The following BICD1 variants were observed in gnomAD, a reference collection of about 807,000 sequenced individuals.
The protein encoded by BICD1 is protein bicaudal D homolog 1.
BICD1 carries 35 observed loss-of-function variants against 92.5 expected under a neutral mutation model. The ratio of observed to expected loss-of-function variants is 0.38; its 90% CI spans 0.29 to 0.50. The LOEUF is 0.50. Among genes scored for constraint, BICD1 ranks in the 20% least tolerant of loss-of-function variants. The pLI is 0.93. For missense variants in BICD1, 950 were observed against 1,189.8 expected, an observed-to-expected ratio of 0.80 and a Z score of 2.97; for synonymous variants, 429 against 465.1, an observed-to-expected ratio of 0.92 and a Z score of 1.00.
chr12:32,279,852 C>G (rs1186525380), intron 2 of BICD1, among the ~76,000 whole-genome samples: 1 of 152,234 alleles, frequency 6.6e-6, no homozygotes, highest in Non-Finnish European at 1.5e-5. Context: ...GTAATCCCAG[C>G]ACTTTGGGAG....
intron 9 of BICD1, among the ~76,000 whole-genome samples, chr12:32,375,063 C>T (rs1229217998): frequency 1.3e-5 from 2 of 150,654 alleles, no homozygotes; most frequent in South Asian, 2.1e-4. Context: ...GGACTACAGG[C>T]GCCCGCCACC....
chr12:32,122,904 G>A (rs1942204896), intron 1 of BICD1, among the ~76,000 whole-genome samples: 1 of 152,218 alleles, frequency 6.6e-6, no homozygotes, highest in South Asian at 2.1e-4. Flanking sequence ...GCTGTGAGCA[G>A]ATAGGTCATT....
At chr12:32,135,905 AG>A (rs1053427547) in intron 1 of BICD1, among the ~76,000 whole-genome samples, 59 of 132,744 alleles carry the variant, frequency 4.4e-4, no homozygotes, top group Non-Finnish European at 1.6e-4. Context: ...AGAGGGACAA[AG>A]GAGAGGCGTG....
intron 9 of BICD1, among the ~76,000 whole-genome samples, chr12:32,370,666 C>A (rs11051962): frequency 0.036 from 5,442 of 152,294 alleles, 318 homozygotes; most frequent in East Asian, 0.27. Context: ...TGGAAAATTT[C>A]TTTTGCTGGC....
chr12:32,107,639 GA>G, intron 1 of BICD1, 95 bp downstream of exon 1: 2 of 1,336,780 alleles, frequency 1.5e-6, no homozygotes, highest in Non-Finnish European at 2.1e-6. Context: ...GGAGGTGATT[GA>G]AAGGACTGTT....
chr12:32,145,198 A>G (rs1300307389), intron 1 of BICD1, among the ~76,000 whole-genome samples: 3 of 152,236 alleles, frequency 2.0e-5, no homozygotes, highest in Admixed American at 2.0e-4. Flanking sequence ...AGAATAAAAA[A>G]GCCATAATGT....
At chr12:32,126,698 A>C (rs1423095365) in intron 1 of BICD1, among the ~76,000 whole-genome samples, 1 of 152,056 alleles carries the variant, frequency 6.6e-6, no homozygotes, top group African/African-American at 2.4e-5. Context: ...TGAAGGTTGC[A>C]GTGAGCCGAG....
Position 32,295,709 on chromosome 12 carries a change from A to G in BICD1, c.579+1563A>G, listed in dbSNP as rs1592627985. On this transcript the variant is annotated intron_variant, in intron 3 of 9. Coordinates refer to ENST00000652176, the MANE Select transcript of BICD1 (RefSeq NM_001714.4). The stretch of plus-strand genomic sequence containing the variant: ...TGCTGTGTTGCCCAGGCTGGAGTGC[A>G]GTGGCATGATCTCAGCTCACTGCAA... Among the ~76,000 whole-genome samples the G allele has an allele frequency of 4.7e-5, 7 of 148,628 alleles. No individual in the cohort carries two copies. The South Asian group carries it at 1.5e-3, about 32-fold the overall frequency.
intron 1 of BICD1, among the ~76,000 whole-genome samples, chr12:32,160,007 C>G (rs12814943): frequency 8.8e-6 from 1 of 113,184 alleles, no homozygotes; most frequent in Non-Finnish European, 2.2e-5. Context: ...ATTTAACTCT[C>G]TAAGCCTCAA....
rs530703367 is a variant in BICD1, at chr12:32,328,632, C to T, written c.2100+77C>T. ...TTTATTCCCTAATTTTATTGAGTATCGAGTATCGTCAAGATGAGAGTTCAG... is the reference window on the plus strand; with the variant it reads ...TTTATTCCCTAATTTTATTGAGTATTGAGTATCGTCAAGATGAGAGTTCAG... On this transcript the variant is annotated intron_variant, in intron 5 of 9. Coordinates refer to ENST00000652176, the MANE Select transcript of BICD1 (RefSeq NM_001714.4). The surrounding 1 kb of genome is among the most constrained non-coding windows in gnomAD (Gnocchi z 4.4). The T allele has an allele frequency of 3.3e-6, 5 of 1,517,322 alleles. No individual in the cohort carries two copies. The highest frequency in any genetic ancestry group is 4.4e-6 in the Non-Finnish European group (5 of 1,130,966). 94.0% of individuals were successfully genotyped at this position (1,517,322 alleles called of 1,614,324 possible).
chr12:32,272,904 C>T (rs189663969), intron 2 of BICD1, among the ~76,000 whole-genome samples: 107 of 151,982 alleles, frequency 7.0e-4, no homozygotes, highest in African/African-American at 2.5e-3. Flanking sequence ...TTGTTATGTT[C>T]GTATAAAAGA....
intron 1 of BICD1, among the ~76,000 whole-genome samples, chr12:32,135,723 T>A (rs1304783849): frequency 6.6e-6 from 1 of 152,126 alleles, no homozygotes; most frequent in Non-Finnish European, 1.5e-5. Context: ...AATCTCTAAT[T>A]CACCAGAGTC....
chr12:32,346,635 CGTGTATATATATATATAT>C (rs1565687564), intron 8 of BICD1, among the ~76,000 whole-genome samples: 5 of 25,152 alleles, frequency 2.0e-4, no homozygotes, highest in African/African-American at 3.4e-4. Flanking sequence ...TATATATATA[CGTGTATATATATATATAT>C]ATATACACAC....
chr12:32,197,243 A>C (rs990200946), intron 1 of BICD1, among the ~76,000 whole-genome samples: 1 of 152,152 alleles, frequency 6.6e-6, no homozygotes, highest in Non-Finnish European at 1.5e-5. Context: ...TCCTGACCTC[A>C]GGTGATCTGC....
intron 2 of BICD1, among the ~76,000 whole-genome samples, chr12:32,279,432 T>C (rs1347789075): frequency 6.6e-6 from 1 of 152,198 alleles, no homozygotes; most frequent in Non-Finnish European, 1.5e-5. Context: ...CAAAAAGCTT[T>C]CCCGTAAAAA....
intron 1 of BICD1, among the ~76,000 whole-genome samples, chr12:32,145,747 A>AT: frequency 6.6e-6 from 1 of 152,332 alleles, no homozygotes; most frequent in Non-Finnish European, 1.5e-5. Flanking sequence ...TAAATGCAGG[A>AT]TTTTAAGGAA....
intron 4 of BICD1, among the ~76,000 whole-genome samples, chr12:32,306,648 T>C (rs1948234093): frequency 6.6e-6 from 1 of 152,168 alleles, no homozygotes; most frequent in African/African-American, 2.4e-5. Context: ...CAGTCTCTCA[T>C]TTGCATCACT....
intron 2 of BICD1, among the ~76,000 whole-genome samples, chr12:32,280,210 C>T (rs1947379436): frequency 6.6e-6 from 1 of 152,192 alleles, no homozygotes; most frequent in South Asian, 2.1e-4. Flanking sequence ...TTCTTACAAT[C>T]TCTGGCTAGG....
intron 2 of BICD1, among the ~76,000 whole-genome samples, chr12:32,277,475 G>T (rs1219447564): frequency 2.0e-5 from 3 of 152,080 alleles, no homozygotes; most frequent in African/African-American, 7.2e-5. Flanking sequence ...GACTTCATTT[G>T]GGTAACTATA....
Sources: gnomAD v4.1 joint callset for allele counts (sites outside exome capture counted in the v4.1 genomes callset) on GRCh38, gnomAD v4.1.1 for gene constraint, Gnocchi (gnomAD v3.1) non-coding constraint, MANE v1.5 for transcripts, NCBI Gene and HGNC (gene_info 2026-07-23, HGNC 2026-07-21) for gene names.